POFUT1: variants seen among roughly 807,000 people sequenced by gnomAD.
POFUT1 encodes protein O-fucosyltransferase 1.
Under a neutral mutation model 42.4 loss-of-function variants are expected in POFUT1, and 16 were observed. The observed-to-expected ratio is 0.38, with a 90% confidence interval of 0.26 to 0.57. POFUT1 has a LOEUF of 0.57. POFUT1 is among the 20% of genes least tolerant of loss of function. POFUT1 has a pLI of 0.71. For synonymous variants in POFUT1, 206 were observed against 205.4 expected (o/e 1.00, Z -0.03); for missense variants, 470 against 504.6 (o/e 0.93, Z 0.66).
intron 6 of POFUT1, among the ~76,000 whole-genome samples, chr20:32,232,324 AAAG>A (rs978119644): frequency 1.3e-5 from 2 of 152,088 alleles, no homozygotes; most frequent in Non-Finnish European, 2.9e-5. Flanking sequence ...AGAAAGAAAG[AAAG>A]AAAGAAAAGC....
rs1349704947 is a variant in POFUT1 at position 32,237,710 on chromosome 20, C to G, written c.*3049C>G. ...CTGATTCACATTCTGAAGGACCTCT[C>G]TAGCTGGCCAGTGCTGAGGAGGTTG... is the stretch of plus-strand genomic sequence containing the variant. On this transcript the variant is annotated 3_prime_UTR_variant, in exon 7 of 7. Transcript: ENST00000375749. 1 of 511,624 alleles carries G rather than the reference C, an allele frequency of 2.0e-6. No individual in the cohort carries two copies. The highest frequency in any genetic ancestry group is 1.4e-5 in the South Asian group (1 of 69,186). The allele number at this position is 511,624 out of a possible 1,614,324, so 31.7% of individuals were successfully genotyped here.
chr20:32,237,705 C>A lies in POFUT1; in HGVS notation c.*3044C>A. On this transcript the variant is annotated 3_prime_UTR_variant, in exon 7 of 7. Coordinates refer to ENST00000375749, the MANE Select transcript of POFUT1 (RefSeq NM_015352.2). ...ATGAGCTGATTCACATTCTGAAGGA[C>A]CTCTCTAGCTGGCCAGTGCTGAGGA... is the stretch of plus-strand genomic sequence containing the variant. 1 of 504,066 alleles carries A rather than the reference C, an allele frequency of 2.0e-6. No individual in the cohort carries two copies. The highest frequency in any genetic ancestry group is 5.7e-5 in the East Asian group (1 of 17,642). 31.2% of individuals were successfully genotyped at this position (504,066 alleles called of 1,614,324 possible).
intron 4 of POFUT1, chr20:32,217,067 T>C (rs2047365736): frequency 3.1e-6 from 5 of 1,613,770 alleles, no homozygotes; most frequent in Non-Finnish European, 4.2e-6. Flanking sequence ...AAGCAGCTTC[T>C]AGAGAACAGC....
rs1358146449 is a variant in POFUT1 at position 32,228,361 on chromosome 20, G to A, written c.641G>A (p.Trp214Ter). The stretch of plus-strand genomic sequence containing the variant: ...AGGCCACTACAGAAGTACATGGTAT[G>A]GTCAGACGAAATGGTGAAGACGGGA... ...EHRPLQKYMVWSDEMVKTGEA... is the reference protein window; with the variant it reads ...EHRPLQKYMV The change falls in exon 5 of 7, where the codon TGG becomes TAG. Residue 214 changes from tryptophan (W) to a stop codon, truncating the protein, a stop_gained. Coordinates refer to ENST00000375749, the MANE Select transcript of POFUT1 (RefSeq NM_015352.2). LOFTEE classifies it high-confidence loss of function. 6.2e-7 allele frequency: 1 copy of A among 1,614,178 alleles called. No homozygotes were observed. Among genetic ancestry groups the A allele is most frequent in the South Asian group, 1.1e-5 (1 of 91,074 alleles).
chr20:32,230,958 G>A lies in POFUT1; in HGVS notation c.875G>A (p.Arg292Lys), dbSNP rs777031988. Residue 292 changes from arginine to lysine, a missense_variant, in exon 6 of 7, where the codon AGG (arginine) becomes AAG (lysine). Physicochemically the swap from Arg to Lys is conservative, Grantham distance 26. Coordinates refer to ENST00000375749, the MANE Select transcript of POFUT1 (RefSeq NM_015352.2). ...CTGCCTGACCTGAAGGAGATCCAGA[G>A]GGCTGTGAAGCTCTGGGTGAGGTCG... ...MCLPDLKEIQ[R>K]AVKLWVRSLD... 1 of 1,614,118 alleles carries A rather than the reference G, an allele frequency of 6.2e-7. No homozygotes were observed. The highest frequency in any genetic ancestry group is 2.2e-5 in the East Asian group (1 of 44,898).
At chr20:32,221,412 A>C (rs1015396885) in intron 4 of POFUT1, among the ~76,000 whole-genome samples, 1 of 152,052 alleles carries the variant, frequency 6.6e-6, no homozygotes, top group Non-Finnish European at 1.5e-5. Context: ...CTATCTTCAG[A>C]GTTTTCAAGA....
chr20:32,227,726 C>T (rs1004004063), intron 4 of POFUT1, among the ~76,000 whole-genome samples: 8 of 152,146 alleles, frequency 5.3e-5, no homozygotes, highest in African/African-American at 1.4e-4. Flanking sequence ...CCTTCCATAG[C>T]GCAGGGACTA....
intron 4 of POFUT1, among the ~76,000 whole-genome samples, chr20:32,227,159 G>A (rs1313442702): frequency 6.6e-6 from 1 of 152,038 alleles, no homozygotes; most frequent in Non-Finnish European, 1.5e-5. Context: ...AAGGGGTTTC[G>A]TGCTGCTGAG....
At chr20:32,231,265 C>T in intron 6 of POFUT1, 1 of 583,746 alleles carries the variant, frequency 1.7e-6, no homozygotes, top group Non-Finnish European at 3.0e-6. Context: ...ACTCCTGGAG[C>T]TCACGTATCC....
At chr20:32,222,066 G>A (rs1051501022) in intron 4 of POFUT1, among the ~76,000 whole-genome samples, 4 of 152,146 alleles carry the variant, frequency 2.6e-5, no homozygotes, top group Non-Finnish European at 5.9e-5. Context: ...GGGAGGCAGA[G>A]GCAGGCGGAT....
chr20:32,219,095 G>T (rs758677506), intron 4 of POFUT1, among the ~76,000 whole-genome samples: 12 of 152,162 alleles, frequency 7.9e-5, no homozygotes, highest in Non-Finnish European at 1.6e-4. Flanking sequence ...GGATGCTGGG[G>T]ATATAGGCCA....
chr20:32,208,513 G>C (rs1486269494), intron 1 of POFUT1, among the ~76,000 whole-genome samples: 1 of 152,050 alleles, frequency 6.6e-6, no homozygotes, highest in Non-Finnish European at 1.5e-5. Flanking sequence ...AGTTGGGGAA[G>C]ACAAACAATT....
chr20:32,223,219 GCCTGA>G, intron 4 of POFUT1: 1 of 985,448 alleles, frequency 1.0e-6, no homozygotes, highest in Non-Finnish European at 1.2e-6. Context: ...GAGGCAAAGG[GCCTGA>G]CCAAGGGTGA....
At chr20:32,220,825 C>T (rs1474046131) in intron 4 of POFUT1, among the ~76,000 whole-genome samples, 1 of 151,886 alleles carries the variant, frequency 6.6e-6, no homozygotes, top group Admixed American at 6.6e-5. Flanking sequence ...CATCTGGGAG[C>T]CAAGCTGGGG....
rs547037794 is a variant in POFUT1 at position 32,218,802 on chromosome 20, G to A, written c.542+2081G>A. ...AGCAAATTCCAAAAAGCTAGAAAAA[G>A]CACACAATCCTAGTAGGAAGAGAAA... On this transcript the variant is annotated intron_variant, in intron 4 of 6. Coordinates refer to ENST00000375749, the MANE Select transcript of POFUT1 (RefSeq NM_015352.2). 1.2e-4 allele frequency among the ~76,000 whole-genome samples: 18 copies of A among 152,308 alleles called. No homozygotes were observed. In the South Asian group the frequency reaches 3.5e-3, roughly 30 times the overall value.
intron 2 of POFUT1, among the ~76,000 whole-genome samples, chr20:32,211,999 T>C (rs1226557659): frequency 6.6e-6 from 1 of 152,222 alleles, no homozygotes; most frequent in Non-Finnish European, 1.5e-5. Context: ...TGACCTCAGA[T>C]GTTATCTAGA....
chr20:32,213,726 A>G (rs2047343477), intron 2 of POFUT1, among the ~76,000 whole-genome samples: 1 of 151,948 alleles, frequency 6.6e-6, no homozygotes, highest in Non-Finnish European at 1.5e-5. Context: ...AGCTGAGATC[A>G]CGCCATTGCA....
At chr20:32,217,672 C>T (rs2047369582) in intron 4 of POFUT1, 3 of 985,442 alleles carry the variant, frequency 3.0e-6, no homozygotes, top group Non-Finnish European at 3.6e-6. Flanking sequence ...GTATCTGCCT[C>T]GTAGTGCATG....
At chr20:32,234,419 C>T (rs2047458519) in intron 6 of POFUT1, 54 bp from the exon 7 acceptor site, 5 of 1,477,984 alleles carry the variant, frequency 3.4e-6, no homozygotes, top group Non-Finnish European at 3.7e-6. Flanking sequence ...GTGTGGATGG[C>T]AGGCCTTGGC....
Sources: gnomAD v4.1 joint callset for allele counts (sites outside exome capture counted in the v4.1 genomes callset) on GRCh38, gnomAD v4.1.1 for gene constraint, MANE v1.5 for transcripts, NCBI Gene and HGNC (gene_info 2026-07-23, HGNC 2026-07-21) for gene names.